Variants in SMURF1 observed in about 807,000 individuals in gnomAD.
SMURF1 encodes the protein E3 ubiquitin-protein ligase SMURF1.
Under a neutral mutation model 98.0 loss-of-function variants are expected in SMURF1, and 44 were observed. The ratio of observed to expected loss-of-function variants is 0.45; its 90% confidence interval spans 0.35 to 0.58. The LOEUF is 0.58. Ranked by LOEUF, SMURF1 falls within the 20% of genes least tolerant of loss-of-function variation. SMURF1 has a pLI of 0.00. For synonymous variants in SMURF1, 396 were observed against 374.9 expected (o/e 1.06, Z -0.65); for missense variants, 687 against 938.4 (o/e 0.73, Z 3.50).
intron 1 of SMURF1, among the ~76,000 whole-genome samples, chr7:99,088,539 A>G (rs999914722): frequency 6.6e-6 from 1 of 151,988 alleles, no homozygotes; most frequent in Admixed American, 6.5e-5. Flanking sequence ...AAACTCACTA[A>G]AAGTAGTGAC....
chr7:99,083,778 C>T (rs1796619157), intron 1 of SMURF1, among the ~76,000 whole-genome samples: 1 of 152,192 alleles, frequency 6.6e-6, no homozygotes, highest in South Asian at 2.1e-4. Context: ...CCTTATCATT[C>T]AAATATGGTT....
At chr7:99,038,921 C>T (rs1007297024) in intron 13 of SMURF1, among the ~76,000 whole-genome samples, 33 of 152,108 alleles carry the variant, frequency 2.2e-4, no homozygotes, top group African/African-American at 7.7e-4. Context: ...TGGCCAGGTA[C>T]AGCGGCTTAC....
At chr7:99,057,677 T>A in intron 3 of SMURF1, 126 bp from the exon 4 acceptor site, 1 of 1,102,938 alleles carries the variant, frequency 9.1e-7, no homozygotes, top group African/African-American at 1.6e-5. Context: ...TGATCTCAGC[T>A]CACTGCAACT....
intron 1 of SMURF1, among the ~76,000 whole-genome samples, chr7:99,113,284 A>T (rs1035138387): frequency 1.3e-5 from 2 of 152,212 alleles, no homozygotes; most frequent in Non-Finnish European, 2.9e-5. Flanking sequence ...GCAAGAGAGA[A>T]ACAACTAATC....
chr7:99,089,127 C>A (rs1796747174), intron 1 of SMURF1, among the ~76,000 whole-genome samples: 1 of 151,408 alleles, frequency 6.6e-6, no homozygotes, highest in East Asian at 2.0e-4. Flanking sequence ...TCGCTTGAAC[C>A]TGGGAGGCGG....
chr7:99,093,747 A>G (rs1026341151), intron 1 of SMURF1, among the ~76,000 whole-genome samples: 2 of 152,072 alleles, frequency 1.3e-5, no homozygotes, highest in African/African-American at 2.4e-5. Flanking sequence ...CACTCTATAT[A>G]TGCACTTTTC....
chr7:99,041,898 A>G (rs1396222064), intron 12 of SMURF1, among the ~76,000 whole-genome samples: 9 of 152,152 alleles, frequency 5.9e-5, no homozygotes, highest in Non-Finnish European at 1.5e-5. Context: ...TTCACCCTTC[A>G]TCTCCTTCAA....
chr7:99,079,250 G>A (rs966731274), intron 1 of SMURF1, among the ~76,000 whole-genome samples: 2 of 152,234 alleles, frequency 1.3e-5, no homozygotes, highest in African/African-American at 2.4e-5. Flanking sequence ...TAATGACCAG[G>A]CTCGTTCTCC....
chr7:99,143,828 A>AGCCCG lies in SMURF1; in HGVS notation c.-53_-49dup, dbSNP rs754575938. On this transcript the variant is annotated 5_prime_UTR_variant, in exon 1 of 18. Transcript: ENST00000361368. ...CGCGGATCCAGCGCCACCGCCCCCC[A>AGCCCG]GCCCGGCCCGGCCCGGCCCCGCCGC... is the stretch of plus-strand genomic sequence containing the variant. 246 of 1,442,458 alleles carry AGCCCG rather than the reference A, an allele frequency of 1.7e-4. No homozygotes were observed. The highest frequency in any genetic ancestry group is 1.0e-3 in the Admixed American group (43 of 42,480). 89.4% of individuals were successfully genotyped at this position (1,442,458 alleles called of 1,614,324 possible). A position where few individuals can be genotyped will look rare whatever the true frequency, so the allele number is the denominator to read the frequency against.
intron 10 of SMURF1, among the ~76,000 whole-genome samples, chr7:99,046,597 T>G (rs1254227259): frequency 6.6e-6 from 1 of 151,724 alleles, no homozygotes. Context: ...CTGGGCCTGG[T>G]GGCGGGCGCC....
intron 12 of SMURF1, 116 bp from the exon 13 acceptor site, chr7:99,040,672 A>T (rs1282549090): frequency 2.2e-6 from 2 of 929,326 alleles, no homozygotes; most frequent in East Asian, 6.5e-5. Context: ...AGACCTACTG[A>T]CTCAGGGACT....
At chr7:99,060,773 C>A (rs1021707329) in intron 2 of SMURF1, 66 bp from the exon 3 acceptor site, 6 of 1,019,934 alleles carry the variant, frequency 5.9e-6, no homozygotes, top group Middle Eastern at 2.7e-4. Flanking sequence ...ACAGAACACA[C>A]AATTCGTGTT....
At chr7:99,136,937 G>T (rs1223963818) in intron 1 of SMURF1, among the ~76,000 whole-genome samples, 2 of 152,146 alleles carry the variant, frequency 1.3e-5, no homozygotes, top group Non-Finnish European at 2.9e-5. Context: ...GTAACAGAGT[G>T]AGACCCCATC....
intron 9 of SMURF1, chr7:99,048,097 G>A (rs1795640876): frequency 1.8e-6 from 1 of 543,464 alleles, no homozygotes; most frequent in Non-Finnish European, 3.3e-6. Context: ...CCATAAAGGA[G>A]GTACCCCAGG....
chr7:99,098,294 T>C (rs1180256403), intron 1 of SMURF1, among the ~76,000 whole-genome samples: 1 of 152,194 alleles, frequency 6.6e-6, no homozygotes, highest in Non-Finnish European at 1.5e-5. Context: ...CGATAAGATT[T>C]TAACCCCAAA....
chr7:99,095,080 T>TTATTA (rs1264073456), intron 1 of SMURF1, among the ~76,000 whole-genome samples: 2 of 151,882 alleles, frequency 1.3e-5, no homozygotes, highest in Non-Finnish European at 2.9e-5. Context: ...TTATTTTATT[T>TTATTA]TATTTTATTT....
intron 1 of SMURF1, among the ~76,000 whole-genome samples, chr7:99,087,312 G>A (rs1398004559): frequency 6.6e-6 from 1 of 152,092 alleles, no homozygotes; most frequent in Non-Finnish European, 1.5e-5. Flanking sequence ...TTGAGCCCAG[G>A]AGGTCAAAGC....
chr7:99,051,519 C>T (rs1297902784), intron 7 of SMURF1, 78 bp from the exon 8 acceptor site: 20 of 1,093,934 alleles, frequency 1.8e-5, no homozygotes, highest in Middle Eastern at 2.0e-4. Flanking sequence ...GATGCCCTCA[C>T]GTCTGGTATT....
intron 1 of SMURF1, among the ~76,000 whole-genome samples, chr7:99,072,277 C>T (rs1796343598): frequency 6.6e-6 from 1 of 152,164 alleles, no homozygotes; most frequent in Non-Finnish European, 1.5e-5. Context: ...TCTGCCTCAG[C>T]CTCCCGGAGT....
Sources: allele counts gnomAD v4.1 joint callset (sites outside exome capture counted in the v4.1 genomes callset), GRCh38; gene constraint gnomAD v4.1.1; transcripts MANE v1.5; gene names NCBI Gene and HGNC (gene_info 2026-07-23, HGNC 2026-07-21).